TP63: variants seen among roughly 807,000 people sequenced by gnomAD.
TP63 encodes the protein tumor protein 63.
Under a neutral mutation model 82.8 loss-of-function variants are expected in TP63, and 17 were observed. The observed-to-expected ratio is 0.21, with a 90% CI of 0.14 to 0.31. TP63 has a LOEUF of 0.31. Ranked by LOEUF, TP63 falls within the 10% of genes least tolerant of loss-of-function variation. TP63 has a pLI of 1.00. For missense variants in TP63, 648 were observed against 895.3 expected (o/e 0.72, Z 3.52); for synonymous variants, 330 against 321.7 (o/e 1.03, Z -0.28).
At chr3:189,715,391 G>A (rs911871861) in intron 1 of TP63, among the ~76,000 whole-genome samples, 6 of 152,166 alleles carry the variant, frequency 3.9e-5, no homozygotes, top group Non-Finnish European at 7.3e-5. Context: ...GAAGCATTGA[G>A]GGTATGTTCT....
intron 1 of TP63, among the ~76,000 whole-genome samples, chr3:189,641,965 T>C (rs1560078504): frequency 2.0e-5 from 3 of 152,198 alleles, no homozygotes; most frequent in Admixed American, 1.3e-4. Flanking sequence ...TGTACTATCA[T>C]TCTCACCTGA....
chr3:189,807,508 A>G (rs908945473), intron 3 of TP63, among the ~76,000 whole-genome samples: 71 of 152,372 alleles, frequency 4.7e-4, no homozygotes, highest in South Asian at 2.1e-4. Flanking sequence ...TTTGAATTAT[A>G]TTGACCATAG....
chr3:189,737,919 G>A, intron 2 of TP63, 51 bp downstream of exon 2: 1 of 1,611,040 alleles, frequency 6.2e-7, no homozygotes, highest in Non-Finnish European at 8.5e-7. Flanking sequence ...ATAGGTAAAT[G>A]TGGGTGGTCA....
At chr3:189,694,790 C>CTTTTTTTTTT (rs71175304) in intron 1 of TP63, among the ~76,000 whole-genome samples, 446 of 32,762 alleles carry the variant, frequency 0.014, 113 homozygotes, top group Non-Finnish European at 0.018. Flanking sequence ...TATTTACAGC[C>CTTTTTTTTTT]TTTTTTTTTT....
chr3:189,814,284 C>T (rs1241215918), intron 4 of TP63, among the ~76,000 whole-genome samples: 2 of 152,228 alleles, frequency 1.3e-5, no homozygotes, highest in African/African-American at 4.8e-5. Context: ...GATGTACAGA[C>T]AAACTCTTCG....
At chr3:189,602,899 CT>C in the TP63 span, among the ~76,000 whole-genome samples, 2 of 152,090 alleles carry the variant, frequency 1.3e-5, no homozygotes, top group Admixed American at 6.6e-5. Context: ...AGCTAGTGTT[CT>C]ATGTTTAATG....
chr3:189,875,609 T>TATATATATATATATAA (rs1553859651), intron 10 of TP63, among the ~76,000 whole-genome samples: 1 of 62,986 alleles, frequency 1.6e-5, no homozygotes, highest in Non-Finnish European at 3.6e-5. Context: ...TATATATATA[T>TATATATATATATATAA]ATATATATAT....
At chr3:189,690,678 A>G (rs1270183080) in intron 1 of TP63, among the ~76,000 whole-genome samples, 1 of 152,234 alleles carries the variant, frequency 6.6e-6, no homozygotes, top group Admixed American at 6.5e-5. Context: ...GAAATGAGGA[A>G]TGATGATTTT....
At chr3:189,819,390 C>T (rs1728546194) in intron 4 of TP63, among the ~76,000 whole-genome samples, 2 of 151,928 alleles carry the variant, frequency 1.3e-5, no homozygotes, top group South Asian at 2.1e-4. Flanking sequence ...GTGTGCTGCA[C>T]CCATTAACTT....
upstream of TP63, among the ~76,000 whole-genome samples, chr3:189,626,783 G>A (rs1293461383): frequency 1.3e-5 from 2 of 152,148 alleles, no homozygotes; most frequent in Non-Finnish European, 2.9e-5. Flanking sequence ...GCTTTGCAAA[G>A]TGACTGTCCA....
At chr3:189,695,090 A>G (rs1319662558) in intron 1 of TP63, among the ~76,000 whole-genome samples, 1 of 151,538 alleles carries the variant, frequency 6.6e-6, no homozygotes, top group Non-Finnish European at 1.5e-5. Flanking sequence ...GTTATTTTCT[A>G]TCTTCTTGAG....
intron 8 of TP63, 131 bp from the exon 9 acceptor site, chr3:189,869,193 C>T (rs896516629): frequency 5.4e-6 from 4 of 739,160 alleles, no homozygotes; most frequent in South Asian, 1.8e-5. Flanking sequence ...ACATGTGTTG[C>T]TGGTACTACT....
At chr3:189,852,917 G>A (rs1034647581) in intron 4 of TP63, among the ~76,000 whole-genome samples, 1 of 152,084 alleles carries the variant, frequency 6.6e-6, no homozygotes, top group African/African-American at 2.4e-5. Context: ...ATGATATTCT[G>A]TCTTCATGGA....
At chr3:189,819,420 A>G (rs915548820) in intron 4 of TP63, among the ~76,000 whole-genome samples, 2 of 152,096 alleles carry the variant, frequency 1.3e-5, no homozygotes, top group South Asian at 4.2e-4. Context: ...CATTAGGTAT[A>G]TCTCCTAATG....
intron 1 of TP63, among the ~76,000 whole-genome samples, chr3:189,669,013 A>T (rs1320946482): frequency 1.2e-5 from 1 of 80,146 alleles, no homozygotes; most frequent in Non-Finnish European, 3.7e-5. Flanking sequence ...GCTAAAGATG[A>T]AAGAAACCAA....
At chr3:189,854,115 G>C (rs1247318086) in intron 4 of TP63, among the ~76,000 whole-genome samples, 1 of 152,192 alleles carries the variant, frequency 6.6e-6, no homozygotes, top group Non-Finnish European at 1.5e-5. Context: ...TGCTCAGTAA[G>C]AGTTGGCTAG....
At chr3:189,668,095 A>G (rs1714562443) in intron 1 of TP63, among the ~76,000 whole-genome samples, 1 of 152,108 alleles carries the variant, frequency 6.6e-6, no homozygotes, top group African/African-American at 2.4e-5. Context: ...GTAGCAAGTT[A>G]CAGGGGCTTG....
At chr3:189,696,576 T>A (rs944461266) in intron 1 of TP63, among the ~76,000 whole-genome samples, 1 of 152,132 alleles carries the variant, frequency 6.6e-6, no homozygotes, top group East Asian at 1.9e-4. Flanking sequence ...ACATAATTGG[T>A]GAATCTTCTA....
chr3:189,880,578 A>C (rs1231951825), intron 10 of TP63: 1 of 987,036 alleles, frequency 1.0e-6, no homozygotes, highest in African/African-American at 1.7e-5. Context: ...AGCAGGTCTC[A>C]AACTTAAGAT....
Sources: gnomAD v4.1 joint callset for allele counts (sites outside exome capture counted in the v4.1 genomes callset) on GRCh38, gnomAD v4.1.1 for gene constraint, MANE v1.5 for transcripts, NCBI Gene and HGNC (gene_info 2026-07-23, HGNC 2026-07-21) for gene names.